GRIP1: variants seen among roughly 807,000 people sequenced by gnomAD.
GRIP1 encodes glutamate receptor interacting protein 1, also known as glutamate receptor-interacting protein 1.
In GRIP1, 45 loss-of-function variants were observed where a neutral mutation model predicts 129.9. That is an observed-to-expected ratio of 0.35 (90% CI 0.27 to 0.44). GRIP1 has a LOEUF of 0.44. GRIP1 is among the 20% of genes least tolerant of loss of function. The pLI is 1.00. For synonymous variants in GRIP1, 530 were observed against 520.8 expected (o/e 1.02, Z -0.24); for missense variants, 1,196 against 1,396.8 (o/e 0.86, Z 2.29).
intron 1 of GRIP1, among the ~76,000 whole-genome samples, chr12:66,677,324 C>A (rs960884869): frequency 4.6e-5 from 7 of 152,048 alleles, no homozygotes; most frequent in Admixed American, 4.6e-4. Flanking sequence ...GTATGTAGTA[C>A]TTATAAAAGA....
intron 1 of GRIP1, among the ~76,000 whole-genome samples, chr12:66,610,027 G>T (rs566302350): frequency 1.3e-5 from 2 of 152,170 alleles, no homozygotes; most frequent in East Asian, 3.9e-4. Context: ...AAATCAAGAA[G>T]TCAAAGCTTT....
At chr12:66,794,739 T>C (rs1221839659) in intron 1 of GRIP1, among the ~76,000 whole-genome samples, 1 of 152,180 alleles carries the variant, frequency 6.6e-6, no homozygotes, top group Non-Finnish European at 1.5e-5. Context: ...CAACAGTTCT[T>C]AGGTTTAAAA....
chr12:66,545,158 A>G (rs1030056383), intron 2 of GRIP1, among the ~76,000 whole-genome samples: 1 of 152,170 alleles, frequency 6.6e-6, no homozygotes, highest in Non-Finnish European at 1.5e-5. Flanking sequence ...CTTAATCACC[A>G]TATTTATTTA....
At chr12:66,448,774 C>A (rs1194643806) in intron 11 of GRIP1, among the ~76,000 whole-genome samples, 1 of 152,182 alleles carries the variant, frequency 6.6e-6, no homozygotes, top group Admixed American at 6.5e-5. Flanking sequence ...TAACTAGTGA[C>A]CCTGCCTCTT....
chr12:66,410,229 G>A (rs2057343110), intron 15 of GRIP1, among the ~76,000 whole-genome samples: 1 of 93,870 alleles, frequency 1.1e-5, no homozygotes, highest in Non-Finnish European at 2.0e-5. Flanking sequence ...CCGCCTGGGC[G>A]ACAGAGCGAG....
chr12:66,537,745 T>C (rs567227372), intron 4 of GRIP1, among the ~76,000 whole-genome samples: 1 of 152,264 alleles, frequency 6.6e-6, no homozygotes, highest in South Asian at 2.1e-4. Flanking sequence ...CATAATTTCA[T>C]TGTTAGTGAT....
chr12:66,799,454 T>C lies in GRIP1; in HGVS notation c.-420+4599A>G, dbSNP rs562134661. Among the ~76,000 whole-genome samples, 19 of 152,268 alleles carry C rather than the reference T, an allele frequency of 1.2e-4. No individual in the cohort carries two copies. The East Asian group carries it at 3.7e-3, about 29-fold the overall frequency. Reference sequence around the variant, plus strand: ...GGATTTCACATCCAAGACCTGTCAGTCTGATGATCCCACTATTTTTAACAT... The same window carrying C: ...GGATTTCACATCCAAGACCTGTCAGCCTGATGATCCCACTATTTTTAACAT... On this transcript the variant is annotated intron_variant, in intron 1 of 4. Coordinates refer to the GRIP1 transcript ENST00000538373.
At chr12:66,563,213 T>C (rs563541922) in intron 2 of GRIP1, among the ~76,000 whole-genome samples, 81 of 152,166 alleles carry the variant, frequency 5.3e-4, no homozygotes, top group African/African-American at 1.9e-3. Flanking sequence ...TAATCCAACA[T>C]ATGGACTGTA....
At chr12:67,020,978 G>A (rs2042858569) in intron 1 of GRIP1, among the ~76,000 whole-genome samples, 1 of 151,846 alleles carries the variant, frequency 6.6e-6, no homozygotes, top group Non-Finnish European at 1.5e-5. Context: ...TGCACTTGTA[G>A]TCCCAGATAC....
At chr12:66,660,550 C>G (rs753176989) in intron 1 of GRIP1, among the ~76,000 whole-genome samples, 6 of 152,054 alleles carry the variant, frequency 3.9e-5, no homozygotes, top group Non-Finnish European at 5.9e-5. Context: ...ACAACATCTT[C>G]AACATTTATA....
chr12:66,479,766 T>C (rs1176257557), intron 7 of GRIP1, among the ~76,000 whole-genome samples: 1 of 152,206 alleles, frequency 6.6e-6, no homozygotes, highest in Admixed American at 6.5e-5. Flanking sequence ...TGGTTCAGCA[T>C]ATGCAAATCA....
intron 1 of GRIP1, among the ~76,000 whole-genome samples, chr12:66,785,339 C>CATATATATATATATATAT (rs1242812457): frequency 0.032 from 1,152 of 35,910 alleles, 22 homozygotes; most frequent in Non-Finnish European, 0.052. Context: ...TACATACATA[C>CATATATATATATATATAT]ATACATATAT....
chr12:66,614,165 G>A (rs2064934934), intron 1 of GRIP1, among the ~76,000 whole-genome samples: 1 of 151,588 alleles, frequency 6.6e-6, no homozygotes, highest in African/African-American at 2.4e-5. Context: ...TTTTATTTAT[G>A]CCCCTTCTTT....
chr12:66,485,356 T>A (rs1036455283), intron 7 of GRIP1, among the ~76,000 whole-genome samples: 4 of 152,046 alleles, frequency 2.6e-5, no homozygotes, highest in Admixed American at 1.3e-4. Context: ...TCAGGTATTT[T>A]CCCTGATTTT....
intron 1 of GRIP1, among the ~76,000 whole-genome samples, chr12:66,876,449 C>G (rs556748000): frequency 5.9e-5 from 9 of 152,128 alleles, no homozygotes; most frequent in Admixed American, 2.0e-4. Flanking sequence ...ACATTACTGG[C>G]CTAAACCTAG....
intron 1 of GRIP1, among the ~76,000 whole-genome samples, chr12:67,068,330 T>G (rs1318129001): frequency 6.6e-6 from 1 of 152,162 alleles, no homozygotes; most frequent in Admixed American, 6.5e-5. Flanking sequence ...GAGAGCCGCC[T>G]TTTGCAAAGA....
chr12:66,901,674 A>G (rs2040846258), intron 1 of GRIP1, among the ~76,000 whole-genome samples: 2 of 152,208 alleles, frequency 1.3e-5, no homozygotes, highest in Admixed American at 6.5e-5. Flanking sequence ...ATCAGGAACT[A>G]TAAGACTCTA....
chr12:66,917,621 A>T (rs1406902308), intron 1 of GRIP1, among the ~76,000 whole-genome samples: 2 of 152,172 alleles, frequency 1.3e-5, no homozygotes, highest in Non-Finnish European at 1.5e-5. Flanking sequence ...CATTTTCATT[A>T]TTATTTATCC....
chr12:66,418,148 A>G (rs1477602234), intron 15 of GRIP1, among the ~76,000 whole-genome samples: 1 of 152,144 alleles, frequency 6.6e-6, no homozygotes, highest in Non-Finnish European at 1.5e-5. Context: ...CCTACAGTGA[A>G]CTCATTTTTG....
Sources: gnomAD v4.1 joint callset for allele counts (sites outside exome capture counted in the v4.1 genomes callset) on GRCh38, gnomAD v4.1.1 for gene constraint, MANE v1.5 for transcripts, NCBI Gene and HGNC (gene_info 2026-07-23, HGNC 2026-07-21) for gene names.